The following BIRC6 variants were observed in gnomAD, a reference collection of about 807,000 sequenced individuals.
BIRC6 encodes dual E2 ubiquitin-conjugating enzyme/E3 ubiquitin-protein ligase BIRC6.
In BIRC6, 98 loss-of-function variants were observed where a neutral mutation model predicts 503.3. The observed-to-expected ratio is 0.19, with a 90% CI of 0.17 to 0.23. The LOEUF (loss-of-function observed/expected upper bound fraction) is 0.23, where lower values mean the gene tolerates loss of function less well. BIRC6 is among the 10% of genes least tolerant of loss of function. The pLI is 1.00. For synonymous variants in BIRC6, 2,240 were observed against 2,078.7 expected (o/e 1.08, Z -2.11); for missense variants, 5,360 against 5,806.0 (o/e 0.92, Z 2.50).
chr2:32,506,819 G>A (rs562311914), intron 50 of BIRC6, among the ~76,000 whole-genome samples: 29 of 152,220 alleles, frequency 1.9e-4, no homozygotes, highest in Non-Finnish European at 2.9e-4. Flanking sequence ...TTGTGGGAGC[G>A]TGGATTACTT....
At chr2:32,391,891 T>C in intron 4 of BIRC6, 148 bp from the exon 5 acceptor site, 2 of 556,034 alleles carry the variant, frequency 3.6e-6, no homozygotes, top group South Asian at 5.4e-5. Flanking sequence ...TTACCGTTTT[T>C]AGTTTAAAGT....
At chr2:32,582,386 GGTGGTGTGCT>G (rs976995375) in intron 66 of BIRC6, among the ~76,000 whole-genome samples, 1 of 152,106 alleles carries the variant, frequency 6.6e-6, no homozygotes, top group Non-Finnish European at 1.5e-5. Context: ...ACTCCTTTTA[GGTGGTGTGCT>G]GTGGAGTAGA....
At chr2:32,555,914 C>CAAA (rs372061622) in intron 65 of BIRC6, among the ~76,000 whole-genome samples, 42 of 86,052 alleles carry the variant, frequency 4.9e-4, no homozygotes, top group African/African-American at 1.2e-3. Context: ...GACCCTATCT[C>CAAA]AAAAAAAAAA....
intron 26 of BIRC6, among the ~76,000 whole-genome samples, chr2:32,467,018 C>G (rs1386605020): frequency 6.6e-6 from 1 of 151,102 alleles, no homozygotes; most frequent in Non-Finnish European, 1.5e-5. Context: ...ACTTGGGATG[C>G]TGAGGCAGGA....
intron 10 of BIRC6, among the ~76,000 whole-genome samples, chr2:32,427,962 G>GTGCAGCTGCTGATTTCTGTCATTTATTC (rs2043710785): frequency 6.6e-6 from 1 of 152,052 alleles, no homozygotes; most frequent in Non-Finnish European, 1.5e-5. Flanking sequence ...CTTCTGTATT[G>GTGCAGCTGCTGATTTCTGTCATTTATTC]TGCAGCTGCT....
At chr2:32,528,523 T>C (rs1238013454) in intron 59 of BIRC6, 1 of 152,280 alleles carries the variant, frequency 6.6e-6, no homozygotes, top group Non-Finnish European at 1.5e-5. Context: ...TACCCCCGGC[T>C]CTGTGGTTGG....
intron 1 of BIRC6, among the ~76,000 whole-genome samples, chr2:32,358,022 A>C: frequency 4.5e-5 from 1 of 22,388 alleles, no homozygotes; most frequent in East Asian, 2.0e-3. Context: ...CTGTGCGCCC[A>C]GCGTGGGGGT....
chr2:32,550,888 A>G (rs2058375286), intron 65 of BIRC6, among the ~76,000 whole-genome samples: 1 of 152,108 alleles, frequency 6.6e-6, no homozygotes, highest in Admixed American at 6.5e-5. Flanking sequence ...TATACCTTGG[A>G]ACTGTTTTAG....
At position 32,375,550 on chromosome 2, in the gene BIRC6, G is replaced by A. The variant is rs575427928; in HGVS notation, c.326-2038G>A. Among the ~76,000 whole-genome samples the A allele has an allele frequency of 4.6e-5, 7 of 151,964 alleles. No individual in the cohort carries two copies. In the South Asian group the frequency reaches 8.3e-4, roughly 18 times the overall value. ...GATCCGCCCACCTCGGCCTCCCAAA[G>A]TGCTGAGATTACAGGCATGAGCCAC... On this transcript the variant is annotated intron_variant, in intron 1 of 73. Transcript: ENST00000421745.
At chr2:32,575,085 C>A in intron 65 of BIRC6, 71 bp from the exon 66 acceptor site, 1 of 1,514,668 alleles carries the variant, frequency 6.6e-7, no homozygotes, top group South Asian at 1.1e-5. Flanking sequence ...CAGGTAAAAG[C>A]TACATTCCTG....
intron 3 of BIRC6, among the ~76,000 whole-genome samples, chr2:32,383,242 A>AC (rs2037949191): frequency 6.6e-6 from 1 of 151,096 alleles, no homozygotes; most frequent in South Asian, 2.1e-4. Context: ...AGACGGTTTC[A>AC]CCATGTTGGT....
At chr2:32,609,172 C>T (rs1440611540) in intron 72 of BIRC6, among the ~76,000 whole-genome samples, 1 of 152,174 alleles carries the variant, frequency 6.6e-6, no homozygotes, top group Non-Finnish European at 1.5e-5. Context: ...GCGTGAGCCA[C>T]TGCGCCTGGC....
At chr2:32,410,914 A>G (rs1336061611) in intron 9 of BIRC6, among the ~76,000 whole-genome samples, 1 of 151,846 alleles carries the variant, frequency 6.6e-6, no homozygotes, top group East Asian at 1.9e-4. Context: ...GTTAGCCAGG[A>G]TGGTCTTGAT....
At chr2:32,498,327 C>T (rs958258100) in intron 45 of BIRC6, among the ~76,000 whole-genome samples, 2 of 152,178 alleles carry the variant, frequency 1.3e-5, no homozygotes, top group Non-Finnish European at 2.9e-5. Flanking sequence ...ACTGGCATTA[C>T]AGGCATGAGC....
At position 32,507,971 on chromosome 2, in the gene BIRC6, T is replaced by C; in HGVS notation, c.9701-9T>C. On this transcript the variant is annotated splice_polypyrimidine_tract_variant and intron_variant, in intron 50 of 73. Coordinates refer to ENST00000421745, the MANE Select transcript of BIRC6 (RefSeq NM_016252.4). ...TCTTTTGTGATGATTCAGTTTTCTC[T>C]TTTTATAGCCTGCCCTTCCTCAGTG... 1 of 1,608,362 alleles carries C rather than the reference T, an allele frequency of 6.2e-7. No homozygotes were observed.
chr2:32,487,618 A>G (rs1558867872), intron 40 of BIRC6, 29 bp from the exon 41 acceptor site: 1 of 1,595,690 alleles, frequency 6.3e-7, no homozygotes, highest in Non-Finnish European at 8.6e-7. Context: ...TACTTTATGT[A>G]TAAAATTATA....
chr2:32,564,833 G>GC (rs1352014059), intron 65 of BIRC6: 1 of 152,250 alleles, frequency 6.6e-6, no homozygotes, highest in Admixed American at 6.5e-5. Flanking sequence ...TCTGTACTAA[G>GC]GCATAGCTTT....
chr2:32,401,188 A>T lies in BIRC6; in HGVS notation c.1060A>T (p.Asn354Tyr). The T allele has an allele frequency of 1.2e-6, 2 of 1,614,038 alleles. No individual in the cohort carries two copies. Among genetic ancestry groups the T allele is most frequent in the Non-Finnish European group, 1.7e-6 (2 of 1,179,894 alleles). The change falls in exon 7 of 74, where the codon AAC becomes TAC. Residue 354 changes from asparagine (N) to tyrosine (Y), a missense_variant. Physicochemically the swap from Asn to Tyr is moderately radical, Grantham distance 143. Around this residue, in one of 16 missense-constraint regions of BIRC6, gnomAD observed 92 missense variants for 176.7 expected, o/e 0.52. Coordinates refer to ENST00000421745, the MANE Select transcript of BIRC6 (RefSeq NM_016252.4). ...GTCTGAACACGAAAGACATTCCCCAAACTGCCCATTTGTGAAAGGTGAGCA... is the reference window on the plus strand; with the variant it reads ...GTCTGAACACGAAAGACATTCCCCATACTGCCCATTTGTGAAAGGTGAGCA... ...PWSEHERHSP[N>Y]CPFVKGEHTQ...
In BIRC6 at chr2:32,469,388, G is replaced by A. The variant is rs77454666; in HGVS notation, c.6128-7G>A. On this transcript the variant is annotated splice_region_variant and splice_polypyrimidine_tract_variant and intron_variant, in intron 29 of 73. Transcript: ENST00000421745. Reference sequence around the variant, plus strand: ...AGGAAAGTTTACTGTTTTCTTTCTTGTAATAGGACACTCTGTTCCTGCAGT... The same window carrying A: ...AGGAAAGTTTACTGTTTTCTTTCTTATAATAGGACACTCTGTTCCTGCAGT... 3.1e-6 allele frequency: 5 copies of A among 1,604,038 alleles called. No homozygotes were observed. The highest frequency in any genetic ancestry group is 2.7e-5 in the African/African-American group (2 of 74,454).
Sources: allele counts gnomAD v4.1 joint callset (sites outside exome capture counted in the v4.1 genomes callset), GRCh38; gene constraint gnomAD v4.1.1; regional missense constraint gnomAD v4.1.1; transcripts MANE v1.5; gene names NCBI Gene and HGNC (gene_info 2026-07-23, HGNC 2026-07-21).